FGF5: variants seen among roughly 807,000 people sequenced by gnomAD.
FGF5 encodes fibroblast growth factor 5, also known as heparin-binding growth factor 5.
FGF5 carries 23 observed loss-of-function variants against 21.8 expected under a neutral mutation model. That is an observed-to-expected ratio of 1.05 (90% CI 0.76 to 1.49). The LOEUF is 1.49. Ranked by LOEUF, FGF5 falls within the 40% of genes most tolerant of loss-of-function variation. The probability of loss-of-function intolerance (pLI) is 0.00; values close to 1 mark genes in which losing one functional copy is unlikely to be tolerated. For synonymous variants in FGF5, 158 were observed against 124.0 expected (o/e 1.27, Z -1.82); for missense variants, 352 against 332.9 (o/e 1.06, Z -0.45).
At chr4:80,275,227 AG>A (rs1012586796) in intron 2 of FGF5, among the ~76,000 whole-genome samples, 10 of 152,078 alleles carry the variant, frequency 6.6e-5, no homozygotes, top group Admixed American at 1.3e-4. Context: ...GTCTACAAAA[AG>A]TTTAAGCATA....
In FGF5 at chr4:80,266,689, C is replaced by T; in HGVS notation, c.-136C>T. The stretch of plus-strand genomic sequence containing the variant: ...GCTCGGGTGGCCTCTCTCTTCCCCT[C>T]TCCCCTTCTCTTCCCCGAGGCTATG... On this transcript the variant is annotated 5_prime_UTR_variant, in exon 1 of 3. Transcript: ENST00000312465. 1 of 738,762 alleles carries T rather than the reference C, an allele frequency of 1.4e-6. No individual in the cohort carries two copies. Among genetic ancestry groups the T allele is most frequent in the Non-Finnish European group, 2.2e-6 (1 of 453,158 alleles). 45.8% of individuals were successfully genotyped at this position (738,762 alleles called of 1,614,324 possible). A position where few individuals can be genotyped will look rare whatever the true frequency, so the allele number is the denominator to read the frequency against.
chr4:80,267,415 G>A (rs908957564), intron 1 of FGF5, among the ~76,000 whole-genome samples: 1 of 152,212 alleles, frequency 6.6e-6, no homozygotes, highest in African/African-American at 2.4e-5. Flanking sequence ...GTTACCTAGA[G>A]GCTGGTGCCC....
Position 80,289,377 on chromosome 4 carries a change from TAA to T in FGF5, c.*2706_*2707del, listed in dbSNP as rs1351816183. The T allele has an allele frequency of 2.0e-5, 3 of 152,188 alleles. No individual in the cohort carries two copies. Among genetic ancestry groups the T allele is most frequent in the East Asian group, 1.9e-4 (1 of 5,200 alleles). 9.4% of individuals were successfully genotyped at this position (152,188 alleles called of 1,614,324 possible). A position where few individuals can be genotyped will look rare whatever the true frequency, so the allele number is the denominator to read the frequency against. On this transcript the variant is annotated 3_prime_UTR_variant, in exon 3 of 3. Transcript: ENST00000312465. ...TATGTACAGAAAACATGTATAAATA[TAA>T]GTCTATACTAATGCTTACAACTTTC... is the stretch of plus-strand genomic sequence containing the variant.
intron 2 of FGF5, among the ~76,000 whole-genome samples, chr4:80,283,207 G>A (rs552887485): frequency 6.6e-6 from 1 of 152,236 alleles, no homozygotes; most frequent in East Asian, 1.9e-4. Context: ...GTTTACTCCC[G>A]TATTAATGTA....
At chr4:80,270,708 A>C (rs1478855004) in intron 1 of FGF5, among the ~76,000 whole-genome samples, 1 of 152,252 alleles carries the variant, frequency 6.6e-6, no homozygotes, top group African/African-American at 2.4e-5. Flanking sequence ...ACCTTGGGCC[A>C]TTGAAGAATA....
At chr4:80,282,818 AT>A (rs1267142266) in intron 2 of FGF5, among the ~76,000 whole-genome samples, 2 of 152,136 alleles carry the variant, frequency 1.3e-5, no homozygotes, top group Non-Finnish European at 2.9e-5. Context: ...GAGTTCTATC[AT>A]TTTAAAAGTG....
chr4:80,266,655 C>T (rs1268078956), upstream of FGF5: 3 of 603,616 alleles, frequency 5.0e-6, 1 homozygote, highest in Non-Finnish European at 2.9e-6. Flanking sequence ...GGTGCCAGCG[C>T]GGAGATCCGC....
intron 2 of FGF5, among the ~76,000 whole-genome samples, chr4:80,278,682 G>T (rs1341857178): frequency 6.6e-6 from 1 of 152,144 alleles, no homozygotes; most frequent in Non-Finnish European, 1.5e-5. Flanking sequence ...AATCCCATCA[G>T]ATAAGTTTTA....
chr4:80,286,506 AT>A lies in FGF5; in HGVS notation c.645del (p.Leu216CysfsTer44), dbSNP rs1720727355. ...GTTAAACCCCAGCATATCTCTACCC[AT>A]TTTCTGCCAAGATTCAAGCAGTCGG... is the stretch of plus-strand genomic sequence containing the variant. ...PRVKPQHISTHFLPRFKQSEQ... is the reference protein window; with the variant it reads ...PRVKPQHISTXFLPRFKQSEQ... On this transcript the variant is annotated frameshift_variant, in exon 3 of 3. Coordinates refer to ENST00000312465, the MANE Select transcript of FGF5 (RefSeq NM_004464.4). LOFTEE classifies it high-confidence loss of function. The A allele has an allele frequency of 6.2e-7, 1 of 1,613,924 alleles. No homozygotes were observed. The highest frequency in any genetic ancestry group is 8.5e-7 in the Non-Finnish European group (1 of 1,179,970).
intron 1 of FGF5, among the ~76,000 whole-genome samples, chr4:80,269,790 T>A (rs1263442018): frequency 6.8e-6 from 1 of 147,096 alleles, no homozygotes; most frequent in Non-Finnish European, 1.5e-5. Flanking sequence ...TCCATAGAGT[T>A]TTTTTTTTTT....
At position 80,267,179 on chromosome 4, in the gene FGF5, A is replaced by G; in HGVS notation, c.355A>G (p.Ser119Gly). The G allele has an allele frequency of 6.3e-7, 1 of 1,595,586 alleles. No individual in the cohort carries two copies. The highest frequency in any genetic ancestry group is 8.6e-7 in the Non-Finnish European group (1 of 1,169,180). Residue 119 changes from serine (S) to glycine (G), a missense_variant and splice_region_variant, in exon 1 of 3, where the codon AGT becomes GGT. Coordinates refer to ENST00000312465, the MANE Select transcript of FGF5 (RefSeq NM_004464.4). ...TGGATCCCACGAAGCCAATATGTTA[A>G]GTAAGTTACTCGCTCTCCTACAAAA... The part of the protein sequence containing the change: ...VNGSHEANML[S>G]VLEIFAVSQG...
At position 80,274,959 on chromosome 4, in the gene FGF5, G is replaced by A. The variant is rs200472889; in HGVS notation, c.406G>A (p.Val136Ile). ...TCAGGGGATTGTAGGAATACGAGGA[G>A]TTTTCAGCAACAAATTTTTAGCGAT... is the stretch of plus-strand genomic sequence containing the variant. The part of the protein sequence containing the change: ...VSQGIVGIRG[V>I]FSNKFLAMSK... Residue 136 changes from valine (V) to isoleucine (I), a missense_variant, in exon 2 of 3, where the codon GTT becomes ATT. Physicochemically the swap from Val to Ile is conservative, Grantham distance 29 (BLOSUM62 3). Transcript: ENST00000312465. The A allele has an allele frequency of 2.5e-4, 393 of 1,600,860 alleles. 4 individuals are homozygous for A. The Middle Eastern group carries it at 9.6e-3, about 39-fold the overall frequency.
chr4:80,268,308 A>G, intron 1 of FGF5: 1 of 199,296 alleles, frequency 5.0e-6, no homozygotes, highest in Non-Finnish European at 9.0e-6. Flanking sequence ...TTGGTCCACC[A>G]GGCAGAGCCC....
intron 2 of FGF5, among the ~76,000 whole-genome samples, chr4:80,276,217 T>A (rs1483922602): frequency 1.3e-5 from 2 of 151,944 alleles, no homozygotes; most frequent in Non-Finnish European, 2.9e-5. Context: ...CAATAAATAT[T>A]GCCTATTATT....
chr4:80,286,287 G>T lies in FGF5; in HGVS notation c.460-38G>T, dbSNP rs762400133. On this transcript the variant is annotated intron_variant, in intron 2 of 2. Transcript: ENST00000312465. ...TGTTTTATTACATGCTGAAAAGATC[G>T]CCACAACTTAAATTTCCTCTTTTTT... 4.8e-5 allele frequency: 67 copies of T among 1,400,638 alleles called. No individual in the cohort carries two copies. In the Middle Eastern group the frequency reaches 2.8e-3, roughly 58 times the overall value. 86.8% of individuals were successfully genotyped at this position (1,400,638 alleles called of 1,614,324 possible).
intron 1 of FGF5, 28 bp downstream of exon 1, chr4:80,267,207 C>T (rs1225033931): frequency 6.5e-7 from 1 of 1,537,002 alleles, no homozygotes; most frequent in Non-Finnish European, 8.8e-7. Context: ...CTACAAAACC[C>T]GTCCTAGGCG....
intron 1 of FGF5, among the ~76,000 whole-genome samples, chr4:80,269,536 T>A (rs939077013): frequency 6.6e-6 from 1 of 152,180 alleles, no homozygotes; most frequent in African/African-American, 2.4e-5. Context: ...AACATGTACA[T>A]TTTCTTTTAA....
At chr4:80,281,415 A>C (rs1027225369) in intron 2 of FGF5, among the ~76,000 whole-genome samples, 2 of 152,200 alleles carry the variant, frequency 1.3e-5, no homozygotes, top group African/African-American at 4.8e-5. Flanking sequence ...GTTATTTAAT[A>C]ATATTAGTCT....
intron 1 of FGF5, among the ~76,000 whole-genome samples, chr4:80,268,884 G>A (rs546915414): frequency 3.9e-5 from 6 of 152,344 alleles, no homozygotes; most frequent in African/African-American, 1.4e-4. Context: ...TAAAGGGCAA[G>A]ATCTGTTGGG....
Sources: gnomAD v4.1 joint callset for allele counts (sites outside exome capture counted in the v4.1 genomes callset) on GRCh38, gnomAD v4.1.1 for gene constraint, MANE v1.5 for transcripts, NCBI Gene and HGNC (gene_info 2026-07-23, HGNC 2026-07-21) for gene names.